The following AAMDC variants were observed in gnomAD, a reference collection of about 807,000 sequenced individuals.
AAMDC encodes adipogenesis associated Mth938 domain containing.
In AAMDC, 16 loss-of-function variants were observed where a neutral mutation model predicts 15.5. That is an observed-to-expected ratio of 1.03 (90% CI 0.70 to 1.57). The LOEUF is 1.57. Among genes scored for constraint, AAMDC ranks in the 40% most tolerant of loss-of-function variants. The pLI, the probability that AAMDC is intolerant of heterozygous loss-of-function variation, is 0.00. For synonymous variants in AAMDC, 51 were observed against 51.6 expected, an observed-to-expected ratio of 0.99 and a Z score of 0.05; for missense variants, 141 against 144.9, an observed-to-expected ratio of 0.97 and a Z score of 0.14.
At chr11:77,872,109 A>C (rs1287693284) in intron 3 of AAMDC, 66 bp from the exon 4 acceptor site, 8 of 1,525,556 alleles carry the variant, frequency 5.2e-6, no homozygotes, top group African/African-American at 1.4e-5. Context: ...CACCTGCCTC[A>C]TGGCAGTAAA....
intron 2 of AAMDC, among the ~76,000 whole-genome samples, chr11:77,854,962 T>C (rs1474915189): frequency 6.6e-6 from 1 of 152,170 alleles, no homozygotes; most frequent in Admixed American, 6.5e-5. Context: ...ATTGTCACAC[T>C]CTGTGCACCC....
intron 5 of AAMDC, among the ~76,000 whole-genome samples, chr11:77,894,135 T>C (rs1226334797): frequency 2.0e-5 from 3 of 152,170 alleles, no homozygotes; most frequent in Non-Finnish European, 2.9e-5. Flanking sequence ...AGGTTCTTTT[T>C]TTCCTAATTT....
chr11:77,852,169 G>C (rs1950411692), intron 2 of AAMDC, among the ~76,000 whole-genome samples: 1 of 136,250 alleles, frequency 7.3e-6, no homozygotes, highest in African/African-American at 2.8e-5. Flanking sequence ...TGCCCAGGAG[G>C]TCAAGGCTGC....
intron 5 of AAMDC, among the ~76,000 whole-genome samples, chr11:77,884,219 A>G (rs1951901352): frequency 6.6e-6 from 1 of 152,202 alleles, no homozygotes; most frequent in Admixed American, 6.5e-5. Flanking sequence ...AGGTAAGAAT[A>G]TTAATTCTTA....
intron 5 of AAMDC, among the ~76,000 whole-genome samples, chr11:77,895,504 A>G (rs1282277805): frequency 9.6e-5 from 14 of 145,448 alleles, no homozygotes; most frequent in Non-Finnish European, 1.8e-4. Context: ...TCTGGAAGCA[A>G]CATTCATTCT....
chr11:77,897,680 T>TA, intron 5 of AAMDC, among the ~76,000 whole-genome samples: 1 of 151,396 alleles, frequency 6.6e-6, no homozygotes, highest in African/African-American at 2.4e-5. Flanking sequence ...TTTTTTTTTT[T>TA]ATTTTTAGTA....
chr11:77,899,658 G>A (rs370673234), intron 5 of AAMDC, among the ~76,000 whole-genome samples: 3 of 151,232 alleles, frequency 2.0e-5, no homozygotes, highest in East Asian at 1.9e-4. Context: ...CAACAAGAGC[G>A]AGACTTTGTC....
At chr11:77,835,722 C>T (rs142706582) in intron 1 of AAMDC, among the ~76,000 whole-genome samples, 339 of 151,902 alleles carry the variant, frequency 2.2e-3, no homozygotes, top group African/African-American at 7.3e-3. Flanking sequence ...AATTTGAGAC[C>T]AGCCTGGCAA....
At chr11:77,883,751 A>C in intron 5 of AAMDC, 1 of 1,467,572 alleles carries the variant, frequency 6.8e-7, no homozygotes, top group South Asian at 1.3e-5. Flanking sequence ...ATTTTTTTCA[A>C]ACTTTAAAAA....
intron 5 of AAMDC, chr11:77,879,227 G>T: frequency 7.6e-7 from 1 of 1,310,732 alleles, no homozygotes; most frequent in Non-Finnish European, 1.0e-6. Flanking sequence ...GCAGTAGGGA[G>T]AAATTTCTTC....
chr11:77,824,771 T>G (rs776904038), intron 1 of AAMDC, among the ~76,000 whole-genome samples: 2 of 152,228 alleles, frequency 1.3e-5, no homozygotes, highest in South Asian at 4.1e-4. Context: ...TATATCTTGA[T>G]TGGCAAGTTT....
chr11:77,833,356 CAGTG>C (rs1462971203), intron 1 of AAMDC, among the ~76,000 whole-genome samples: 1 of 152,018 alleles, frequency 6.6e-6, no homozygotes, highest in East Asian at 1.9e-4. Context: ...TGATGGGAGA[CAGTG>C]ACAGATCATC....
At chr11:77,903,617 A>G, downstream of AAMDC, 1 of 1,613,064 alleles carries the variant, frequency 6.2e-7, no homozygotes, top group Non-Finnish European at 8.5e-7. Flanking sequence ...TTTTCCTGCA[A>G]GGCCTACGCA....
intron 2 of AAMDC, among the ~76,000 whole-genome samples, chr11:77,860,225 A>T (rs1274668953): frequency 6.6e-6 from 1 of 152,214 alleles, no homozygotes; most frequent in Non-Finnish European, 1.5e-5. Flanking sequence ...CTTCTGCTTC[A>T]GGTTTCCACC....
intron 5 of AAMDC, chr11:77,894,470 C>T (rs2136407987): frequency 1.8e-6 from 1 of 554,650 alleles, no homozygotes; most frequent in Middle Eastern, 3.4e-4. Flanking sequence ...TAAAAATGAT[C>T]TCTAAAAGTA....
intron 2 of AAMDC, among the ~76,000 whole-genome samples, chr11:77,854,450 C>T (rs1950529269): frequency 6.6e-6 from 1 of 152,224 alleles, no homozygotes; most frequent in South Asian, 2.1e-4. Flanking sequence ...TGGCTAAATA[C>T]TTCCATTCCA....
intron 2 of AAMDC, among the ~76,000 whole-genome samples, chr11:77,843,891 C>A (rs1950034281): frequency 6.6e-6 from 1 of 152,122 alleles, no homozygotes; most frequent in Non-Finnish European, 1.5e-5. Flanking sequence ...TCACGTCTTA[C>A]ATGGATGGTG....
intron 5 of AAMDC, among the ~76,000 whole-genome samples, chr11:77,892,584 T>C (rs990443138): frequency 6.6e-6 from 1 of 152,202 alleles, no homozygotes; most frequent in Non-Finnish European, 1.5e-5. Flanking sequence ...CTAGAATTTT[T>C]TTTTAATTTT....
At chr11:77,882,503 T>C (rs1247301176) in intron 5 of AAMDC, among the ~76,000 whole-genome samples, 1 of 152,220 alleles carries the variant, frequency 6.6e-6, no homozygotes, top group Non-Finnish European at 1.5e-5. Flanking sequence ...CAGCATTTCC[T>C]TCCCCATGTC....
Sources: gnomAD v4.1 joint callset for allele counts (sites outside exome capture counted in the v4.1 genomes callset) on GRCh38, gnomAD v4.1.1 for gene constraint, MANE v1.5 for transcripts, NCBI Gene and HGNC (gene_info 2026-07-23, HGNC 2026-07-21) for gene names.